Variants in PPM1G observed in about 807,000 individuals in gnomAD.
The protein encoded by PPM1G is protein phosphatase 1G.
Under a neutral mutation model 59.4 loss-of-function variants are expected in PPM1G, and 12 were observed. That is an observed-to-expected ratio of 0.20 (90% CI 0.13 to 0.33). The LOEUF (loss-of-function observed/expected upper bound fraction) is 0.33, where lower values mean the gene tolerates loss of function less well. Ranked by LOEUF, PPM1G falls within the 10% of genes least tolerant of loss-of-function variation. The pLI is 1.00. For synonymous variants in PPM1G, 245 were observed against 251.9 expected (o/e 0.97, Z 0.26); for missense variants, 392 against 681.3 (o/e 0.58, Z 4.73).
At chr2:27,391,694 A>G (rs1307051584) in intron 1 of PPM1G, among the ~76,000 whole-genome samples, 2 of 146,658 alleles carry the variant, frequency 1.4e-5, no homozygotes, top group Non-Finnish European at 3.0e-5. Context: ...GTAGTTCTAT[A>G]CCTCTGACTG....
chr2:27,405,918 G>A (rs1019732368), intron 1 of PPM1G, among the ~76,000 whole-genome samples: 2 of 151,950 alleles, frequency 1.3e-5, no homozygotes, highest in African/African-American at 4.8e-5. Context: ...CAGGAGAATC[G>A]CTTGAACCCG....
intron 1 of PPM1G, among the ~76,000 whole-genome samples, chr2:27,396,271 C>CA (rs1366560276): frequency 3.9e-5 from 6 of 152,026 alleles, no homozygotes; most frequent in Non-Finnish European, 7.4e-5. Flanking sequence ...GACTCCGTCT[C>CA]AAAAAAATTT....
intron 1 of PPM1G, among the ~76,000 whole-genome samples, chr2:27,401,458 T>G (rs937328615): frequency 1.3e-5 from 2 of 152,316 alleles, no homozygotes; most frequent in Non-Finnish European, 2.9e-5. Context: ...AGGGAGTGAC[T>G]GGTAAAGAGT....
At chr2:27,397,638 T>C (rs1286369226) in intron 1 of PPM1G, among the ~76,000 whole-genome samples, 1 of 152,130 alleles carries the variant, frequency 6.6e-6, no homozygotes, top group Non-Finnish European at 1.5e-5. Context: ...CAAAATTCAG[T>C]GCTCATTAAT....
chr2:27,381,276 A>G lies in PPM1G; in HGVS notation c.*323T>C. ...GAGCGGGTGCAAGCGGCCGAGGGCC[A>G]TGGAGCCGCCAATAAAAAAGAATGT... On this transcript the variant is annotated 3_prime_UTR_variant, in exon 10 of 10. Coordinates refer to ENST00000344034, the MANE Select transcript of PPM1G (RefSeq NM_177983.3). 2.4e-6 allele frequency: 1 copy of G among 421,368 alleles called. No individual in the cohort carries two copies. The highest frequency in any genetic ancestry group is 4.4e-6 in the Non-Finnish European group (1 of 227,784). The allele number at this position is 421,368 out of a possible 1,614,324, so 26.1% of individuals were successfully genotyped here. A position where few individuals can be genotyped will look rare whatever the true frequency, so the allele number is the denominator to read the frequency against.
rs1683659304 is a variant in PPM1G at position 27,382,568 on chromosome 2, A to T, written c.1239T>A (p.Pro413=). 6.2e-7 allele frequency: 1 copy of T among 1,614,234 alleles called. No homozygotes were observed. Among genetic ancestry groups the T allele is most frequent in the Non-Finnish European group, 8.5e-7 (1 of 1,180,034 alleles). Residue 413 remains proline, a synonymous_variant, in exon 8 of 10, where the codon CCT becomes CCA. Transcript: ENST00000344034. The surrounding 1 kb of genome is among the most constrained non-coding windows in gnomAD (Gnocchi z 4.2). ...HFYKRNKNLP[P]EEQMISALPD... ...GAAGGGCTGAAATCATCTGTTCCTC[A>T]GGTGGCAGGTTCTTGTTTCTCTTAT...
At chr2:27,387,349 G>C (rs576603198) in intron 1 of PPM1G, among the ~76,000 whole-genome samples, 191 bp from the exon 2 acceptor site, 1 of 152,206 alleles carries the variant, frequency 6.6e-6, no homozygotes, top group South Asian at 2.1e-4. Flanking sequence ...GAAAGGGGAA[G>C]GAGAAAAGGA....
At chr2:27,397,543 A>T (rs1403256523) in intron 1 of PPM1G, among the ~76,000 whole-genome samples, 1 of 152,220 alleles carries the variant, frequency 6.6e-6, no homozygotes, top group Non-Finnish European at 1.5e-5. Flanking sequence ...ACATTCAAAA[A>T]AATCACTTAA....
intron 1 of PPM1G, among the ~76,000 whole-genome samples, chr2:27,409,018 C>T (rs1235914417): frequency 6.6e-6 from 1 of 152,220 alleles, no homozygotes; most frequent in African/African-American, 2.4e-5. Context: ...TAGGTTGGCA[C>T]GAGAGGATGG....
At chr2:27,395,386 C>T (rs1684025241) in intron 1 of PPM1G, among the ~76,000 whole-genome samples, 1 of 151,622 alleles carries the variant, frequency 6.6e-6, no homozygotes, top group African/African-American at 2.4e-5. Flanking sequence ...ACAAAAATAA[C>T]TGGGTGTGGT....
In PPM1G at chr2:27,399,100, A is replaced by G. The variant is rs376262577; in HGVS notation, c.120+10203T>C. Reference sequence around the variant, plus strand: ...GGTTGCAGTGAACCAAGATCGCGCCACTCCATTCCAGCCTGGGTGGTCAGA... The same window carrying G: ...GGTTGCAGTGAACCAAGATCGCGCCGCTCCATTCCAGCCTGGGTGGTCAGA... On this transcript the variant is annotated intron_variant, in intron 1 of 9. Coordinates refer to ENST00000344034, the MANE Select transcript of PPM1G (RefSeq NM_177983.3). Among the ~76,000 whole-genome samples the G allele has an allele frequency of 2.8e-4, 43 of 152,086 alleles. 1 individual carries two copies. Among genetic ancestry groups the G allele is most frequent in the African/African-American group, 9.9e-4 (41 of 41,472 alleles).
intron 1 of PPM1G, among the ~76,000 whole-genome samples, chr2:27,388,727 T>C (rs1166572083): frequency 6.6e-6 from 1 of 151,532 alleles, no homozygotes. Context: ...TACAAAAAAT[T>C]AGCTGGAGGT....
At position 27,384,165 on chromosome 2, in the gene PPM1G, C is replaced by CT; in HGVS notation, c.826-74_826-73insA. The CT allele has an allele frequency of 6.2e-7, 1 of 1,604,022 alleles. No homozygotes were observed. The highest frequency in any genetic ancestry group is 8.5e-7 in the Non-Finnish European group (1 of 1,175,496). ...CCTCCCCACAGCTCATACTCAGAAT[C>CT]AAGAGGTCCTGACTGAACACAGGTC... On this transcript the variant is annotated intron_variant, in intron 5 of 9. Transcript: ENST00000344034. This position sits in a 1 kb window ranked among gnomAD's most constrained non-coding sequence, Gnocchi z 4.8.
chr2:27,408,428 T>C (rs1663432359), intron 1 of PPM1G, among the ~76,000 whole-genome samples: 1 of 152,214 alleles, frequency 6.6e-6, no homozygotes, highest in South Asian at 2.1e-4. Flanking sequence ...TCTTTTGTAG[T>C]TTCACATCAA....
At chr2:27,406,782 A>C (rs1247829140) in intron 1 of PPM1G, among the ~76,000 whole-genome samples, 1 of 152,114 alleles carries the variant, frequency 6.6e-6, no homozygotes, top group Admixed American at 6.6e-5. Context: ...GAAATGAAAA[A>C]ACAACAGCAG....
At chr2:27,397,370 CCAGA>C (rs762497705) in intron 1 of PPM1G, among the ~76,000 whole-genome samples, 8 of 152,256 alleles carry the variant, frequency 5.3e-5, no homozygotes, top group East Asian at 1.9e-4. Context: ...GATTCTAAAA[CCAGA>C]CAAAGACATC....
At chr2:27,405,826 G>C (rs1663344845) in intron 1 of PPM1G, among the ~76,000 whole-genome samples, 2 of 151,838 alleles carry the variant, frequency 1.3e-5, no homozygotes, top group South Asian at 4.2e-4. Context: ...AACATGGAGA[G>C]ACCCCCATCT....
intron 1 of PPM1G, among the ~76,000 whole-genome samples, chr2:27,388,702 C>T (rs183387713): frequency 3.5e-4 from 53 of 151,912 alleles, no homozygotes; most frequent in African/African-American, 1.2e-3. Context: ...GGTGAAACCC[C>T]GTCTCTACTA....
intron 1 of PPM1G, among the ~76,000 whole-genome samples, chr2:27,391,042 T>C (rs1395109496): frequency 6.6e-6 from 1 of 152,268 alleles, no homozygotes; most frequent in African/African-American, 2.4e-5. Flanking sequence ...TAGTATTCCA[T>C]GATGGCTATG....
Sources: allele counts gnomAD v4.1 joint callset (sites outside exome capture counted in the v4.1 genomes callset), GRCh38; gene constraint gnomAD v4.1.1; non-coding constraint Gnocchi (gnomAD v3.1); transcripts MANE v1.5; gene names NCBI Gene and HGNC (gene_info 2026-07-23, HGNC 2026-07-21).